Variants in PTPRG observed in about 807,000 individuals in gnomAD.
The protein encoded by PTPRG is receptor-type tyrosine-protein phosphatase gamma.
PTPRG carries 102 observed loss-of-function variants against 165.3 expected under a neutral mutation model. The ratio of observed to expected loss-of-function variants is 0.62; its 90% CI spans 0.53 to 0.73. The LOEUF is 0.73. Ranked by LOEUF, PTPRG falls within the 30% of genes least tolerant of loss-of-function variation. PTPRG has a pLI of 0.00. For missense variants in PTPRG, 1,866 were observed against 1,861.4 expected, an observed-to-expected ratio of 1.00 and a Z score of -0.05; for synonymous variants, 675 against 669.5, an observed-to-expected ratio of 1.01 and a Z score of -0.13.
chr3:61,689,729 G>A (rs1416077015), intron 1 of PTPRG, among the ~76,000 whole-genome samples: 1 of 152,170 alleles, frequency 6.6e-6, no homozygotes, highest in Admixed American at 6.5e-5. Context: ...TATTGGTGGT[G>A]AGTAATTCTC....
intron 4 of PTPRG, among the ~76,000 whole-genome samples, chr3:62,053,903 T>A (rs1700545921): frequency 6.6e-6 from 1 of 152,194 alleles, no homozygotes; most frequent in Non-Finnish European, 1.5e-5. Flanking sequence ...TTTTAAACTT[T>A]CTATTGAGGT....
chr3:62,197,375 C>T (rs893079662), intron 10 of PTPRG, among the ~76,000 whole-genome samples: 1 of 152,184 alleles, frequency 6.6e-6, no homozygotes, highest in Admixed American at 6.5e-5. Context: ...TCCCTTCTGG[C>T]TTGAACATTT....
At chr3:61,660,646 A>G (rs962326978) in intron 1 of PTPRG, among the ~76,000 whole-genome samples, 5 of 152,186 alleles carry the variant, frequency 3.3e-5, no homozygotes, top group Non-Finnish European at 7.3e-5. Context: ...AGCTTCTAGA[A>G]CAGCACGTGG....
At chr3:62,293,043 A>C in intron 29 of PTPRG, 118 bp from the exon 30 acceptor site, 1 of 841,426 alleles carries the variant, frequency 1.2e-6, no homozygotes, top group Non-Finnish European at 1.8e-6. Context: ...GATAACATTT[A>C]TGCTATTGCT....
intron 4 of PTPRG, among the ~76,000 whole-genome samples, chr3:62,070,335 C>G (rs142033377): frequency 1.1e-4 from 16 of 152,290 alleles, no homozygotes; most frequent in African/African-American, 3.8e-4. Context: ...TTCATTCTTT[C>G]AATATCTTGA....
In PTPRG at chr3:62,190,347, G is replaced by C. The variant is rs547136543; in HGVS notation, c.1034-1122G>C. ...ATGGGTGCTGAGGGTGAGAACCCCTGCCCTGGACCATCAGCTCCATGAAGG... is the reference window on the plus strand; with the variant it reads ...ATGGGTGCTGAGGGTGAGAACCCCTCCCCTGGACCATCAGCTCCATGAAGG... On this transcript the variant is annotated intron_variant, in intron 8 of 29. Coordinates refer to ENST00000474889, the MANE Select transcript of PTPRG (RefSeq NM_002841.4). The surrounding 1 kb of genome is among the most constrained non-coding windows in gnomAD (Gnocchi z 5.2). Among the ~76,000 whole-genome samples, 23 of 152,294 alleles carry C rather than the reference G, an allele frequency of 1.5e-4. No individual in the cohort carries two copies. Among genetic ancestry groups the C allele is most frequent in the African/African-American group, 5.5e-4 (23 of 41,562 alleles).
intron 2 of PTPRG, among the ~76,000 whole-genome samples, chr3:61,833,989 TCA>T (rs2036386873): frequency 6.6e-6 from 1 of 152,232 alleles, no homozygotes; most frequent in Non-Finnish European, 1.5e-5. Context: ...CTTCAATTAG[TCA>T]CAGCACAGTA....
chr3:61,774,192 G>A (rs1453758665), intron 2 of PTPRG, among the ~76,000 whole-genome samples: 1 of 152,114 alleles, frequency 6.6e-6, no homozygotes, highest in Non-Finnish European at 1.5e-5. Context: ...GTCAAAAATC[G>A]AGTTAATTCT....
intron 6 of PTPRG, among the ~76,000 whole-genome samples, chr3:62,135,737 G>C (rs966568932): frequency 8.5e-5 from 13 of 152,160 alleles, no homozygotes; most frequent in South Asian, 4.1e-4. Flanking sequence ...CCAGGGGTTG[G>C]TGGGGAGAGC....
intron 1 of PTPRG, among the ~76,000 whole-genome samples, chr3:61,668,853 A>AT (rs1702884982): frequency 6.6e-6 from 1 of 152,088 alleles, no homozygotes. Context: ...TCTTAGGAGG[A>AT]TTTACTCTAC....
chr3:61,724,361 A>G (rs1026159281), intron 1 of PTPRG, among the ~76,000 whole-genome samples: 1 of 152,144 alleles, frequency 6.6e-6, no homozygotes, highest in African/African-American at 2.4e-5. Context: ...ATTCTGTGGC[A>G]TGGATGCACC....
At chr3:61,750,984 T>G (rs1426653307) in intron 2 of PTPRG, 1 of 152,168 alleles carries the variant, frequency 6.6e-6, no homozygotes, top group Non-Finnish European at 1.5e-5. Flanking sequence ...GTGGACTGGT[T>G]TGGAAGACTG....
intron 1 of PTPRG, among the ~76,000 whole-genome samples, chr3:61,683,837 T>G (rs1647769635): frequency 6.6e-6 from 1 of 152,224 alleles, no homozygotes; most frequent in South Asian, 2.1e-4. Context: ...AATTTAGTTA[T>G]GAAGGAGACC....
At chr3:61,917,673 T>C (rs2107553101) in intron 2 of PTPRG, among the ~76,000 whole-genome samples, 1 of 152,316 alleles carries the variant, frequency 6.6e-6, no homozygotes, top group East Asian at 1.9e-4. Context: ...CTCACGCCTG[T>C]AATCCCAGCA....
At chr3:62,189,225 T>A (rs934793241) in intron 8 of PTPRG, among the ~76,000 whole-genome samples, 40 of 152,108 alleles carry the variant, frequency 2.6e-4, no homozygotes, top group African/African-American at 9.4e-4. Context: ...TCTGTCGCAC[T>A]AAGTGAACCT....
intron 1 of PTPRG, among the ~76,000 whole-genome samples, chr3:61,697,677 T>G (rs1013597076): frequency 1.3e-5 from 2 of 152,236 alleles, no homozygotes; most frequent in African/African-American, 4.8e-5. Flanking sequence ...GAATCACTTA[T>G]AAGCTATTGT....
chr3:61,626,544 C>T (rs1015781348), intron 1 of PTPRG, among the ~76,000 whole-genome samples: 10 of 152,146 alleles, frequency 6.6e-5, no homozygotes, highest in Non-Finnish European at 8.8e-5. Context: ...TTGGAATATT[C>T]GAATGTGAGA....
chr3:62,246,507 C>T (rs1370687407), intron 15 of PTPRG, among the ~76,000 whole-genome samples: 1 of 152,148 alleles, frequency 6.6e-6, no homozygotes, highest in African/African-American at 2.4e-5. Flanking sequence ...TCACAAAGCA[C>T]TTTTTAAACA....
intron 2 of PTPRG, among the ~76,000 whole-genome samples, chr3:61,950,427 A>T (rs967414912): frequency 2.0e-4 from 31 of 152,224 alleles, no homozygotes; most frequent in Non-Finnish European, 5.9e-5. Context: ...GATTTTAGAC[A>T]TAGTAGGTGT....
Sources: gnomAD v4.1 joint callset for allele counts (sites outside exome capture counted in the v4.1 genomes callset) on GRCh38, gnomAD v4.1.1 for gene constraint, Gnocchi (gnomAD v3.1) non-coding constraint, MANE v1.5 for transcripts, NCBI Gene and HGNC (gene_info 2026-07-23, HGNC 2026-07-21) for gene names.